Variants in RGS6 observed in about 807,000 individuals in gnomAD.
RGS6 encodes regulator of G protein signaling 6.
A neutral mutation model predicts 78.5 loss-of-function variants in RGS6; 30 were observed. The ratio of observed to expected loss-of-function variants is 0.38; its 90% CI spans 0.29 to 0.52. The LOEUF is 0.52. Ranked by LOEUF, RGS6 falls within the 20% of genes least tolerant of loss-of-function variation. The pLI is 0.85. For synonymous variants in RGS6, 206 were observed against 206.0 expected (o/e 1.00, Z 0.00); for missense variants, 495 against 609.7 (o/e 0.81, Z 1.98).
At chr14:72,154,079 A>G (rs1393381436) in intron 2 of RGS6, among the ~76,000 whole-genome samples, 5 of 152,150 alleles carry the variant, frequency 3.3e-5, no homozygotes, top group African/African-American at 1.2e-4. Flanking sequence ...TTCCTAGCGT[A>G]TTAATATTAA....
intron 3 of RGS6, among the ~76,000 whole-genome samples, chr14:72,398,194 G>A (rs1321512826): frequency 2.0e-5 from 3 of 152,192 alleles, no homozygotes; most frequent in East Asian, 3.9e-4. Context: ...ACTTTTTTTG[G>A]TTGGTAAGCT....
At chr14:71,932,224 C>G (rs1236192349), upstream of RGS6, among the ~76,000 whole-genome samples, 1 of 152,078 alleles carries the variant, frequency 6.6e-6, no homozygotes, top group Non-Finnish European at 1.5e-5. Flanking sequence ...TTCCGCGGCT[C>G]TGGGAACAGG....
chr14:72,296,379 A>G (rs1030359955), intron 2 of RGS6, among the ~76,000 whole-genome samples: 1 of 152,190 alleles, frequency 6.6e-6, no homozygotes, highest in Non-Finnish European at 1.5e-5. Context: ...GCTGAGTGAT[A>G]AGAGTGATGC....
rs1207535946 is a variant in RGS6, at chr14:72,152,243, A to AGT, written c.84+187369_84+187370insTG. 1.8e-3 allele frequency among the ~76,000 whole-genome samples: 230 copies of AGT among 125,242 alleles called. 1 individual carries two copies. Among genetic ancestry groups the AGT allele is most frequent in the African/African-American group, 5.9e-3 (218 of 36,778 alleles). 82.2% of individuals were successfully genotyped at this position (125,242 alleles called of 152,430 possible). A position where few individuals can be genotyped will look rare whatever the true frequency, so the allele number is the denominator to read the frequency against. ...GCATGAGAGAGAGAGAGAGAGAGAG[A>AGT]GAGTGTGTGTGTGTGTGTGTGTGTG... On this transcript the variant is annotated intron_variant, in intron 2 of 17. Transcript: ENST00000553525.
chr14:72,434,306 C>T (rs899576436), intron 3 of RGS6, among the ~76,000 whole-genome samples: 2 of 152,334 alleles, frequency 1.3e-5, no homozygotes, highest in African/African-American at 4.8e-5. Flanking sequence ...CTCTGCACTA[C>T]AGCCTGGGTG....
chr14:72,578,218 T>G, the RGS6 span, among the ~76,000 whole-genome samples: 12 of 152,244 alleles, frequency 7.9e-5, no homozygotes, highest in African/African-American at 2.9e-4. Context: ...TCTTTGGCTT[T>G]GAAGAAACTT....
chr14:71,936,030 A>ATATACATACATATATATATATATATATG (rs2089191304), intron 1 of RGS6, among the ~76,000 whole-genome samples: 3 of 133,222 alleles, frequency 2.3e-5, no homozygotes, highest in Non-Finnish European at 4.8e-5. Context: ...ATATATATAT[A>ATATACATACATATATATATATATATATG]TATATATATA....
chr14:72,148,796 A>G (rs1363665914), intron 2 of RGS6, among the ~76,000 whole-genome samples: 1 of 152,250 alleles, frequency 6.6e-6, no homozygotes, highest in Non-Finnish European at 1.5e-5. Context: ...TACTTTGGAC[A>G]GGTTGAATTC....
chr14:72,053,065 C>A (rs1275411695), intron 2 of RGS6, among the ~76,000 whole-genome samples: 1 of 22,332 alleles, frequency 4.5e-5, no homozygotes, highest in Non-Finnish European at 8.2e-5. Flanking sequence ...CCCTCCCTCC[C>A]TCCCTCCCTC....
At position 71,970,199 on chromosome 14, in the gene RGS6, G is replaced by A. The variant is rs568745126; in HGVS notation, c.84+5324G>A. 8.5e-5 allele frequency among the ~76,000 whole-genome samples: 13 copies of A among 152,172 alleles called. 1 individual carries two copies. Among genetic ancestry groups the A allele is most frequent in the Non-Finnish European group, 1.6e-4 (11 of 68,044 alleles). ...TAAGTAGCAACACTGTACATTGCCA[G>A]TAGTATATAGTGTCATAGATGAAAT... On this transcript the variant is annotated intron_variant, in intron 2 of 17. Transcript: ENST00000553525.
chr14:72,477,006 C>G (rs369314266), intron 11 of RGS6, 166 bp downstream of exon 11: 11 of 599,296 alleles, frequency 1.8e-5, no homozygotes, highest in Non-Finnish European at 2.4e-5. Flanking sequence ...GAACAAGCCA[C>G]GGAAGCTTGA....
At chr14:71,869,742 G>A in the RGS6 span, among the ~76,000 whole-genome samples, 1 of 152,146 alleles carries the variant, frequency 6.6e-6, no homozygotes, top group Non-Finnish European at 1.5e-5. Flanking sequence ...TTGAATATTT[G>A]TCCCCTCAAA....
chr14:71,933,863 A>G (rs371585342), intron 1 of RGS6, among the ~76,000 whole-genome samples: 11 of 152,156 alleles, frequency 7.2e-5, no homozygotes, highest in African/African-American at 2.7e-4. Flanking sequence ...AGGGTGAGAG[A>G]TGGAAGAACT....
At chr14:72,502,477 A>G (rs533211178) in intron 13 of RGS6, among the ~76,000 whole-genome samples, 2 of 152,292 alleles carry the variant, frequency 1.3e-5, no homozygotes, top group South Asian at 2.1e-4. Context: ...CACAGCGTAA[A>G]TAACTGGGCC....
intron 2 of RGS6, among the ~76,000 whole-genome samples, chr14:72,309,309 G>T (rs760519139): frequency 6.6e-6 from 1 of 152,240 alleles, no homozygotes; most frequent in African/African-American, 2.4e-5. Flanking sequence ...TAGGAAGAAA[G>T]TGTATCCAGA....
At chr14:71,878,973 A>C in the RGS6 span, among the ~76,000 whole-genome samples, 1 of 152,130 alleles carries the variant, frequency 6.6e-6, no homozygotes, top group Non-Finnish European at 1.5e-5. Flanking sequence ...AGTCAGACAC[A>C]CTGGGCAGAT....
chr14:72,363,739 T>C (rs997616165), intron 3 of RGS6, among the ~76,000 whole-genome samples: 1 of 152,096 alleles, frequency 6.6e-6, no homozygotes, highest in Non-Finnish European at 1.5e-5. Context: ...AAAAGCATGA[T>C]CTAAAAGTTG....
intron 3 of RGS6, among the ~76,000 whole-genome samples, chr14:72,450,170 T>C (rs1003522342): frequency 6.6e-6 from 1 of 151,896 alleles, no homozygotes; most frequent in Non-Finnish European, 1.5e-5. Flanking sequence ...TTTATATATA[T>C]CTATACATAT....
chr14:71,991,627 G>T (rs1426041917), intron 2 of RGS6, among the ~76,000 whole-genome samples: 1 of 152,100 alleles, frequency 6.6e-6, no homozygotes, highest in African/African-American at 2.4e-5. Context: ...ACAACCCCCT[G>T]CTCAGAGAGT....
Sources: gnomAD v4.1 joint callset for allele counts (sites outside exome capture counted in the v4.1 genomes callset) on GRCh38, gnomAD v4.1.1 for gene constraint, MANE v1.5 for transcripts, NCBI Gene and HGNC (gene_info 2026-07-23, HGNC 2026-07-21) for gene names.